LRRTM4: variants seen among roughly 807,000 people sequenced by gnomAD.
LRRTM4 encodes leucine-rich repeat transmembrane neuronal protein 4.
A neutral mutation model predicts 47.6 loss-of-function variants in LRRTM4; 25 were observed. That is an observed-to-expected ratio of 0.53 (90% CI 0.38 to 0.73). The LOEUF is 0.73. LRRTM4 is among the 30% of genes least tolerant of loss of function. LRRTM4 has a pLI of 0.00. For synonymous variants in LRRTM4, 311 were observed against 269.5 expected, an observed-to-expected ratio of 1.15 and a Z score of -1.51; for missense variants, 638 against 713.4, an observed-to-expected ratio of 0.89 and a Z score of 1.20.
chr2:77,494,093 T>A (rs1678269056), intron 3 of LRRTM4, among the ~76,000 whole-genome samples: 1 of 152,162 alleles, frequency 6.6e-6, no homozygotes, highest in African/African-American at 2.4e-5. Flanking sequence ...ATAAAATTTA[T>A]ATTTATTATA....
intron 3 of LRRTM4, among the ~76,000 whole-genome samples, chr2:77,397,084 A>G (rs149143298): frequency 6.6e-6 from 1 of 152,016 alleles, no homozygotes; most frequent in East Asian, 1.9e-4. Flanking sequence ...TAATAATAAT[A>G]TATACAATTT....
At chr2:77,498,144 T>A (rs1678431889) in intron 3 of LRRTM4, among the ~76,000 whole-genome samples, 1 of 151,912 alleles carries the variant, frequency 6.6e-6, no homozygotes, top group African/African-American at 2.4e-5. Context: ...CATGTCAGTC[T>A]ATGGCATTTG....
At chr2:77,360,471 C>CGATAT (rs1384833595) in intron 3 of LRRTM4, among the ~76,000 whole-genome samples, 1 of 126,488 alleles carries the variant, frequency 7.9e-6, no homozygotes, top group African/African-American at 3.0e-5. Context: ...AAATACAATA[C>CGATAT]GATATGATAC....
chr2:76,807,639 T>G (rs1432427866), intron 3 of LRRTM4, among the ~76,000 whole-genome samples: 1 of 151,814 alleles, frequency 6.6e-6, no homozygotes, highest in Non-Finnish European at 1.5e-5. Flanking sequence ...TTGCCCAGGC[T>G]GGAGTGCAAC....
intron 3 of LRRTM4, among the ~76,000 whole-genome samples, chr2:77,308,879 T>G (rs1190342950): frequency 1.3e-5 from 2 of 152,040 alleles, no homozygotes; most frequent in Non-Finnish European, 2.9e-5. Context: ...TTAAGCAAAC[T>G]CCACGTCTCT....
At chr2:77,077,166 T>C (rs553355121) in intron 3 of LRRTM4, among the ~76,000 whole-genome samples, 2 of 152,318 alleles carry the variant, frequency 1.3e-5, no homozygotes, top group Admixed American at 1.3e-4. Flanking sequence ...GATAACTATA[T>C]TGATTAATGA....
chr2:77,145,483 A>G (rs986834803), intron 3 of LRRTM4, among the ~76,000 whole-genome samples: 1 of 151,910 alleles, frequency 6.6e-6, no homozygotes, highest in Non-Finnish European at 1.5e-5. Flanking sequence ...TAAAAGTTGT[A>G]TGTGGCTGGG....
intron 3 of LRRTM4, among the ~76,000 whole-genome samples, chr2:76,847,131 G>A (rs1197336784): frequency 6.6e-6 from 1 of 152,060 alleles, no homozygotes; most frequent in African/African-American, 2.4e-5. Flanking sequence ...ATACGAAAAA[G>A]GAATCATTTT....
At chr2:77,123,750 C>T (rs1458422778) in intron 3 of LRRTM4, among the ~76,000 whole-genome samples, 2 of 151,988 alleles carry the variant, frequency 1.3e-5, no homozygotes, top group East Asian at 1.9e-4. Flanking sequence ...TTGGATGGCA[C>T]TACAAATGAT....
chr2:77,374,619 A>G (rs1383200157), intron 3 of LRRTM4, among the ~76,000 whole-genome samples: 1 of 151,754 alleles, frequency 6.6e-6, no homozygotes, highest in Non-Finnish European at 1.5e-5. Flanking sequence ...TCAAGCCAGA[A>G]TGGTTCCAGC....
At chr2:77,152,576 C>T (rs1672458705) in intron 3 of LRRTM4, among the ~76,000 whole-genome samples, 2 of 152,092 alleles carry the variant, frequency 1.3e-5, no homozygotes, top group South Asian at 4.1e-4. Flanking sequence ...GATCTGCCTG[C>T]CTCGGCCTCC....
intron 3 of LRRTM4, among the ~76,000 whole-genome samples, chr2:77,376,411 A>G (rs534942317): frequency 9.0e-5 from 13 of 143,796 alleles, no homozygotes; most frequent in African/African-American, 1.5e-4. Context: ...ATTTCACAAG[A>G]TTTTTTTTTT....
chr2:77,233,762 C>T (rs1283732952), intron 3 of LRRTM4, among the ~76,000 whole-genome samples: 1 of 123,418 alleles, frequency 8.1e-6, no homozygotes, highest in East Asian at 2.1e-4. Context: ...TGACTTATTT[C>T]TGTTTGTTGC....
At chr2:76,868,951 A>G (rs185127053) in intron 3 of LRRTM4, among the ~76,000 whole-genome samples, 1 of 152,240 alleles carries the variant, frequency 6.6e-6, no homozygotes, top group South Asian at 2.1e-4. Flanking sequence ...ACTTAACACG[A>G]TAGCATGTCC....
At chr2:76,755,919 G>C (rs1025604948) in intron 3 of LRRTM4, among the ~76,000 whole-genome samples, 1 of 152,068 alleles carries the variant, frequency 6.6e-6, no homozygotes, top group African/African-American at 2.4e-5. Flanking sequence ...CAAAACAGGA[G>C]GTCAGACATG....
At chr2:76,763,054 C>G (rs1324183873) in intron 3 of LRRTM4, among the ~76,000 whole-genome samples, 1 of 152,116 alleles carries the variant, frequency 6.6e-6, no homozygotes, top group Non-Finnish European at 1.5e-5. Flanking sequence ...GCATTCTCTT[C>G]CTTTCTATCG....
At position 77,132,718 on chromosome 2, in the gene LRRTM4, C is replaced by T. The variant is rs114455576; in HGVS notation, c.1552-383802G>A. On this transcript the variant is annotated intron_variant, in intron 3 of 3. Coordinates refer to ENST00000409884, the MANE Select transcript of LRRTM4 (RefSeq NM_001134745.3). ...TTACAAAGAGCTTAAAACCCATTCACGAGGGCAAAGCCTTCATCAATGAAT... is the reference window on the plus strand; with the variant it reads ...TTACAAAGAGCTTAAAACCCATTCATGAGGGCAAAGCCTTCATCAATGAAT... Among the ~76,000 whole-genome samples, 460 of 152,268 alleles carry T rather than the reference C, an allele frequency of 3.0e-3. 1 individual carries two copies. The highest frequency in any genetic ancestry group is 9.9e-3 in the African/African-American group (410 of 41,552).
At chr2:77,189,740 T>G (rs1201946856) in intron 3 of LRRTM4, among the ~76,000 whole-genome samples, 3 of 151,232 alleles carry the variant, frequency 2.0e-5, no homozygotes, top group Non-Finnish European at 4.4e-5. Flanking sequence ...ACTTTATACT[T>G]TATATATACT....
At chr2:77,488,331 C>T (rs964813586) in intron 3 of LRRTM4, among the ~76,000 whole-genome samples, 3 of 152,224 alleles carry the variant, frequency 2.0e-5, no homozygotes, top group Non-Finnish European at 4.4e-5. Context: ...CCTGTCGCAG[C>T]TGGCAAGCCT....
Sources: gnomAD v4.1 joint callset for allele counts (sites outside exome capture counted in the v4.1 genomes callset) on GRCh38, gnomAD v4.1.1 for gene constraint, MANE v1.5 for transcripts, NCBI Gene and HGNC (gene_info 2026-07-23, HGNC 2026-07-21) for gene names.